ZNF141: variants seen among roughly 807,000 people sequenced by gnomAD.
ZNF141 encodes zinc finger protein 141 (clone pHZ-44).
In ZNF141, 7 loss-of-function variants were observed where a neutral mutation model predicts 11.3. The ratio of observed to expected loss-of-function variants is 0.62; its 90% confidence interval spans 0.35 to 1.16. The LOEUF is 1.16. Among genes scored for constraint, ZNF141 ranks in the 50% most tolerant of loss-of-function variants. The pLI is 0.02. For synonymous variants in ZNF141, 183 were observed against 190.7 expected (o/e 0.96, Z 0.33); for missense variants, 535 against 554.0 (o/e 0.97, Z 0.34).
At chr4:339,091 T>C (rs951730658) in intron 1 of ZNF141, among the ~76,000 whole-genome samples, 2 of 152,242 alleles carry the variant, frequency 1.3e-5, no homozygotes, top group African/African-American at 4.8e-5. Flanking sequence ...AGCCCGCCCA[T>C]TGGGCATTCG....
rs1406602816 is a variant in ZNF141, at chr4:380,543, T to A, written c.*6681T>A. ...GTCAGGCGCCTGTAATCCCAGCTAC[T>A]CAAGAGGTTGAGGCAGGAGAATCAG... On this transcript the variant is annotated 3_prime_UTR_variant, in exon 4 of 4. Coordinates refer to ENST00000240499, the MANE Select transcript of ZNF141 (RefSeq NM_003441.4). 4.0e-5 allele frequency among the ~76,000 whole-genome samples: 6 copies of A among 151,762 alleles called. No homozygotes were observed. The highest frequency in any genetic ancestry group is 1.5e-4 in the African/African-American group (6 of 41,272).
At position 378,203 on chromosome 4, in the gene ZNF141, T is replaced by G. The variant is rs2108659867; in HGVS notation, c.*4341T>G. On this transcript the variant is annotated 3_prime_UTR_variant, in exon 4 of 4. Coordinates refer to ENST00000240499, the MANE Select transcript of ZNF141 (RefSeq NM_003441.4). The stretch of plus-strand genomic sequence containing the variant: ...AAAGAAGAAAATTTTTAGGAGACAA[T>G]GGTAAGTGAGGAATTTTACATTTAA... 1 of 152,158 alleles carries G rather than the reference T, an allele frequency of 6.6e-6. No individual in the cohort carries two copies. The highest frequency in any genetic ancestry group is 2.4e-5 in the African/African-American group (1 of 41,518). 9.4% of individuals were successfully genotyped at this position (152,158 alleles called of 1,614,324 possible).
At chr4:348,007 G>A (rs1362853349) in intron 3 of ZNF141, among the ~76,000 whole-genome samples, 2 of 151,736 alleles carry the variant, frequency 1.3e-5, no homozygotes, top group Non-Finnish European at 2.9e-5. Context: ...ACCATGCCCA[G>A]CTAATTTTTT....
At position 375,656 on chromosome 4, in the gene ZNF141, A is replaced by T. The variant is rs1261484476; in HGVS notation, c.*1794A>T. Among the ~76,000 whole-genome samples, 1 of 152,062 alleles carries T rather than the reference A, an allele frequency of 6.6e-6. No homozygotes were observed. The highest frequency in any genetic ancestry group is 1.5e-5 in the Non-Finnish European group (1 of 67,912). The stretch of plus-strand genomic sequence containing the variant: ...AGTTGAAAAGAAGATTTTTGAAGAG[A>T]TACTACATTTAAAGTATATTTTTTC... On this transcript the variant is annotated 3_prime_UTR_variant, in exon 4 of 4. Coordinates refer to ENST00000240499, the MANE Select transcript of ZNF141 (RefSeq NM_003441.4).
At chr4:342,449 T>TC (rs1239077932) in intron 1 of ZNF141, among the ~76,000 whole-genome samples, 2 of 152,206 alleles carry the variant, frequency 1.3e-5, no homozygotes, top group Non-Finnish European at 2.9e-5. Flanking sequence ...GTGTGCTGTG[T>TC]CTGCTTTCTC....
chr4:344,211 C>T, intron 2 of ZNF141, 124 bp from the exon 3 acceptor site: 2 of 1,014,944 alleles, frequency 2.0e-6, no homozygotes, highest in South Asian at 3.2e-5. Context: ...TGTCAGGAAA[C>T]AATTTTTGGA....
intron 3 of ZNF141, among the ~76,000 whole-genome samples, chr4:361,387 GTTTT>G (rs200611005): frequency 1.0e-4 from 13 of 130,544 alleles, no homozygotes; most frequent in African/African-American, 2.9e-4. Context: ...ATATCTTTCT[GTTTT>G]TTTTTTTTTT....
rs1423427407 is a variant in ZNF141 at position 380,846 on chromosome 4, ATTC to A, written c.*6987_*6989del. On this transcript the variant is annotated 3_prime_UTR_variant, in exon 4 of 4. Transcript: ENST00000240499. ...CAAAATACATGATTATCTTAAACAC[ATTC>A]TTAATAAAAATTTAACAAAAATTGT... Among the ~76,000 whole-genome samples the A allele has an allele frequency of 5.3e-5, 8 of 152,162 alleles. No individual in the cohort carries two copies. The highest frequency in any genetic ancestry group is 7.4e-5 in the Non-Finnish European group (5 of 68,014).
In ZNF141 at chr4:374,355, G is replaced by T; in HGVS notation, c.*493G>T. 2.9e-6 allele frequency: 1 copy of T among 343,320 alleles called. No homozygotes were observed. Among genetic ancestry groups the T allele is most frequent in the Non-Finnish European group, 5.9e-6 (1 of 169,670 alleles). 21.3% of individuals were successfully genotyped at this position (343,320 alleles called of 1,614,324 possible). On this transcript the variant is annotated 3_prime_UTR_variant, in exon 4 of 4. Coordinates refer to ENST00000240499, the MANE Select transcript of ZNF141 (RefSeq NM_003441.4). ...CCTTAATGAACGTAAGTGAATTCATGCTGGAGCAAAATGCTTCACATGCGA... is the reference window on the plus strand; with the variant it reads ...CCTTAATGAACGTAAGTGAATTCATTCTGGAGCAAAATGCTTCACATGCGA...
intron 3 of ZNF141, among the ~76,000 whole-genome samples, chr4:368,407 A>G (rs1393111812): frequency 2.6e-5 from 4 of 151,908 alleles, no homozygotes; most frequent in Admixed American, 1.3e-4. Flanking sequence ...ACACCCATCT[A>G]ATTTTTGTAT....
At chr4:344,298 C>T (rs782154944) in intron 2 of ZNF141, 37 bp from the exon 3 acceptor site, 9 of 1,553,320 alleles carry the variant, frequency 5.8e-6, no homozygotes, top group Non-Finnish European at 8.0e-6. Flanking sequence ...GAATCCCCAT[C>T]AATAGTCATG....
chr4:341,711 G>C (rs1319477368), intron 1 of ZNF141, among the ~76,000 whole-genome samples: 1 of 152,164 alleles, frequency 6.6e-6, no homozygotes, highest in South Asian at 2.1e-4. Context: ...TCCTTGTCCA[G>C]GTCTGAGCCA....
Position 349,415 on chromosome 4 carries a change from T to G in ZNF141, c.226+4985T>G, listed in dbSNP as rs1014086779. Among the ~76,000 whole-genome samples the G allele has an allele frequency of 9.2e-5, 14 of 152,302 alleles. No homozygotes were observed. In the East Asian group the frequency reaches 2.7e-3, roughly 29 times the overall value. Reference sequence around the variant, plus strand: ...ATGATATTATCCACAAACAGTAACTTTTTTATTTCTTTTCCACTCTGGAGA... The same window carrying G: ...ATGATATTATCCACAAACAGTAACTGTTTTATTTCTTTTCCACTCTGGAGA... On this transcript the variant is annotated intron_variant, in intron 3 of 3. Coordinates refer to ENST00000240499, the MANE Select transcript of ZNF141 (RefSeq NM_003441.4).
chr4:345,802 A>C (rs1451880214), intron 3 of ZNF141, among the ~76,000 whole-genome samples: 1 of 152,146 alleles, frequency 6.6e-6, no homozygotes, highest in African/African-American at 2.4e-5. Context: ...AAGCAAAAAA[A>C]GTCCTTGCAT....
intron 3 of ZNF141, among the ~76,000 whole-genome samples, chr4:369,270 C>T (rs1478981101): frequency 6.6e-6 from 1 of 152,016 alleles, no homozygotes; most frequent in African/African-American, 2.4e-5. Context: ...TCCTTTGCCC[C>T]TTATGAGCTT....
intron 3 of ZNF141, 29 bp from the exon 4 acceptor site, chr4:372,635 G>C: frequency 1.4e-6 from 2 of 1,454,200 alleles, no homozygotes; most frequent in South Asian, 3.1e-5. Context: ...CTACTAAGTG[G>C]GATAATTTGT....
chr4:342,394 G>A (rs1229393857), intron 1 of ZNF141, among the ~76,000 whole-genome samples: 2 of 152,220 alleles, frequency 1.3e-5, no homozygotes, highest in African/African-American at 4.8e-5. Flanking sequence ...GTCTTGGGAT[G>A]AAAAGTATTT....
rs1234658266 is a variant in ZNF141 at position 384,591 on chromosome 4, T to G, written c.*10729T>G. 2 of 152,140 alleles carry G rather than the reference T, an allele frequency of 1.3e-5. No individual in the cohort carries two copies. Among genetic ancestry groups the G allele is most frequent in the African/African-American group, 4.8e-5 (2 of 41,402 alleles). 9.4% of individuals were successfully genotyped at this position (152,140 alleles called of 1,614,324 possible). A position where few individuals can be genotyped will look rare whatever the true frequency, so the allele number is the denominator to read the frequency against. ...TACTAACATGACATAAATATTTTGG[T>G]TTTAGCTTCACTCTTTCCACCTGCT... On this transcript the variant is annotated 3_prime_UTR_variant, in exon 4 of 4. Coordinates refer to ENST00000240499, the MANE Select transcript of ZNF141 (RefSeq NM_003441.4).
intron 3 of ZNF141, among the ~76,000 whole-genome samples, chr4:363,894 G>A (rs1711599370): frequency 6.6e-6 from 1 of 152,090 alleles, no homozygotes; most frequent in Admixed American, 6.6e-5. Context: ...AGAGTTTTTA[G>A]CTTGAAGGGC....
Sources: gnomAD v4.1 joint callset for allele counts (sites outside exome capture counted in the v4.1 genomes callset) on GRCh38, gnomAD v4.1.1 for gene constraint, MANE v1.5 for transcripts, NCBI Gene and HGNC (gene_info 2026-07-23, HGNC 2026-07-21) for gene names.